POU3F3: variants seen among roughly 807,000 people sequenced by gnomAD.
POU3F3 encodes the protein POU domain, class 3, transcription factor 3.
Under a neutral mutation model 8.6 loss-of-function variants are expected in POU3F3, and 1 was observed. That is an observed-to-expected ratio of 0.12 (90% CI 0.04 to 0.55). The LOEUF (loss-of-function observed/expected upper bound fraction) is 0.55, where lower values mean the gene tolerates loss of function less well. Among genes scored for constraint, POU3F3 ranks in the 20% least tolerant of loss-of-function variants. The pLI is 0.91. For missense variants in POU3F3, 577 were observed against 690.7 expected, an observed-to-expected ratio of 0.84 and a Z score of 1.84; for synonymous variants, 418 against 327.4, an observed-to-expected ratio of 1.28 and a Z score of -2.99.
rs1459821095 is a variant in POU3F3, at chr2:104,854,600, G to A, written c.-911G>A. Among the ~76,000 whole-genome samples, 2 of 152,168 alleles carry A rather than the reference G, an allele frequency of 1.3e-5. No individual in the cohort carries two copies. The highest frequency in any genetic ancestry group is 3.9e-4 in the East Asian group (2 of 5,188). ...TCGCATCAGACTGTGACTGTTGCGA[G>A]GAGAATGAAAAAGGACTCTTGTTTC... On this transcript the variant is annotated 5_prime_UTR_variant, in exon 1 of 1. Coordinates refer to ENST00000361360, the MANE Select transcript of POU3F3 (RefSeq NM_006236.3). The surrounding 1 kb of genome is among the most constrained non-coding windows in gnomAD (Gnocchi z 4.5).
chr2:104,888,196 G>A, the POU3F3 span, among the ~76,000 whole-genome samples: 2 of 152,216 alleles, frequency 1.3e-5, no homozygotes, highest in African/African-American at 4.8e-5. Flanking sequence ...CTGTGTGTGC[G>A]AAATGGACAT....
In POU3F3 at chr2:104,855,945, G is replaced by C; in HGVS notation, c.435G>C (p.Gln145His). The change falls in exon 1 of 1, where the codon CAG (glutamine) becomes CAC (histidine). Residue 145 changes from glutamine (Q) to histidine (H), a missense_variant. Gln to His is a conservative substitution (Grantham distance 24). Coordinates refer to ENST00000361360, the MANE Select transcript of POU3F3 (RefSeq NM_006236.3). ...CGCAGCCGCCGCCGCCACCGCCGCA[G>C]GGCCCCGACGTGAAGGGCGGCGCCG... ...QPPQPPPPPP[Q>H]GPDVKGGAGR... is the part of the protein sequence containing the mutation. The C allele has an allele frequency of 1.9e-6, 2 of 1,052,834 alleles. No individual in the cohort carries two copies. The highest frequency in any genetic ancestry group is 2.3e-6 in the Non-Finnish European group (2 of 873,732). The allele number at this position is 1,052,834 out of a possible 1,614,324, so 65.2% of individuals were successfully genotyped here.
chr2:104,857,060 A>G lies in POU3F3; in HGVS notation c.*47A>G. The G allele has an allele frequency of 2.2e-6, 3 of 1,345,172 alleles. No individual in the cohort carries two copies. Among genetic ancestry groups the G allele is most frequent in the Non-Finnish European group, 2.9e-6 (3 of 1,040,538 alleles). 83.3% of individuals were successfully genotyped at this position (1,345,172 alleles called of 1,614,324 possible). A position where few individuals can be genotyped will look rare whatever the true frequency, so the allele number is the denominator to read the frequency against. On this transcript the variant is annotated 3_prime_UTR_variant, in exon 1 of 1. Coordinates refer to ENST00000361360, the MANE Select transcript of POU3F3 (RefSeq NM_006236.3). The stretch of plus-strand genomic sequence containing the variant: ...GGGCCGCCGCCGCCGCCGCCTCCGC[A>G]GCCGCCGTCAGCACCGCCGCCGCCC...
the POU3F3 span, among the ~76,000 whole-genome samples, chr2:104,911,849 GA>G: frequency 6.6e-6 from 1 of 152,076 alleles, no homozygotes; most frequent in African/African-American, 2.4e-5. Context: ...AGATGCGAGA[GA>G]GGGGGAGAAG....
the POU3F3 span, among the ~76,000 whole-genome samples, chr2:104,927,653 C>A: frequency 6.7e-6 from 1 of 148,900 alleles, no homozygotes; most frequent in African/African-American, 2.5e-5. Context: ...AAAGCTGGGG[C>A]GGGGGATTGT....
chr2:104,860,499 G>A (rs561997726), downstream of POU3F3, among the ~76,000 whole-genome samples: 11 of 152,078 alleles, frequency 7.2e-5, no homozygotes, highest in South Asian at 8.3e-4. Context: ...CTTGTGCTTC[G>A]TAAAGTGCCC....
At chr2:104,895,274 A>G in the POU3F3 span, among the ~76,000 whole-genome samples, 4 of 152,186 alleles carry the variant, frequency 2.6e-5, no homozygotes, top group East Asian at 1.9e-4. Flanking sequence ...TTAAATCTTC[A>G]CTACCAATTG....
At position 104,855,949 on chromosome 2, in the gene POU3F3, C is replaced by A; in HGVS notation, c.439C>A (p.Pro147Thr). ...PQPPPPPPQG[P>T]DVKGGAGRDD... ...GCCGCCGCCGCCACCGCCGCAGGGC[C>A]CCGACGTGAAGGGCGGCGCCGGGCG... The change falls in exon 1 of 1, where the codon CCC becomes ACC. Residue 147 changes from proline (P) to threonine (T), a missense_variant. This residue lies in a region of POU3F3 where 484 missense variants were observed against 422.6 expected (regional missense o/e 1.15). Coordinates refer to ENST00000361360, the MANE Select transcript of POU3F3 (RefSeq NM_006236.3). 1 of 1,059,902 alleles carries A rather than the reference C, an allele frequency of 9.4e-7. No homozygotes were observed. The highest frequency in any genetic ancestry group is 1.1e-6 in the Non-Finnish European group (1 of 876,292). 65.7% of individuals were successfully genotyped at this position (1,059,902 alleles called of 1,614,324 possible).
chr2:104,912,482 T>C, the POU3F3 span, among the ~76,000 whole-genome samples: 1 of 152,140 alleles, frequency 6.6e-6, no homozygotes. Context: ...TACTAACAGA[T>C]GGGTAAGGAT....
chr2:104,896,503 G>T, the POU3F3 span, among the ~76,000 whole-genome samples: 1 of 152,210 alleles, frequency 6.6e-6, no homozygotes, highest in Non-Finnish European at 1.5e-5. Flanking sequence ...TGTAACACCT[G>T]CATTGTTCAC....
At chr2:104,863,890 C>T in the POU3F3 span, among the ~76,000 whole-genome samples, 3 of 152,248 alleles carry the variant, frequency 2.0e-5, no homozygotes, top group Admixed American at 1.3e-4. Flanking sequence ...GAGGTCTAGG[C>T]AGCTGGGACT....
the POU3F3 span, among the ~76,000 whole-genome samples, chr2:104,906,314 T>C: frequency 7.2e-5 from 11 of 152,218 alleles, no homozygotes; most frequent in South Asian, 4.1e-4. Context: ...GCCCTTTTTA[T>C]AATACAGACA....
the POU3F3 span, among the ~76,000 whole-genome samples, chr2:104,874,773 G>A: frequency 6.6e-6 from 1 of 152,174 alleles, no homozygotes; most frequent in Admixed American, 6.5e-5. Flanking sequence ...CGTCACAAAT[G>A]TTATGGAGGT....
chr2:104,855,957 G>A lies in POU3F3; in HGVS notation c.447G>A (p.Val149=), dbSNP rs1164891804. The change falls in exon 1 of 1, where the codon GTG becomes GTA. Residue 149 remains valine, a synonymous_variant. Transcript: ENST00000361360. ...CGCCACCGCCGCAGGGCCCCGACGT[G>A]AAGGGCGGCGCCGGGCGCGACGACC... ...PPPPPPQGPD[V]KGGAGRDDLH... is the part of the protein sequence containing the mutation. 9.5e-7 allele frequency: 1 copy of A among 1,053,808 alleles called. No individual in the cohort carries two copies. Among genetic ancestry groups the A allele is most frequent in the African/African-American group, 1.8e-5 (1 of 56,672 alleles). 65.3% of individuals were successfully genotyped at this position (1,053,808 alleles called of 1,614,324 possible).
At chr2:104,878,504 G>A in the POU3F3 span, among the ~76,000 whole-genome samples, 1 of 152,180 alleles carries the variant, frequency 6.6e-6, no homozygotes, top group Non-Finnish European at 1.5e-5. Flanking sequence ...GAAGCTTGGT[G>A]CTTTTATTCC....
chr2:104,910,889 TA>T, the POU3F3 span, among the ~76,000 whole-genome samples: 3 of 151,606 alleles, frequency 2.0e-5, no homozygotes, highest in African/African-American at 7.3e-5. Context: ...ATAAAAACAA[TA>T]AAAAAATACA....
chr2:104,871,148 A>G, the POU3F3 span, among the ~76,000 whole-genome samples: 1 of 152,174 alleles, frequency 6.6e-6, no homozygotes, highest in Non-Finnish European at 1.5e-5. Flanking sequence ...GAAGACAGAA[A>G]GCACCCCTGC....
chr2:104,899,985 A>G, the POU3F3 span, among the ~76,000 whole-genome samples: 2 of 152,246 alleles, frequency 1.3e-5, no homozygotes, highest in African/African-American at 4.8e-5. Flanking sequence ...GAGCCCACTT[A>G]AATCCTGCCC....
the POU3F3 span, among the ~76,000 whole-genome samples, chr2:104,899,036 T>A: frequency 6.6e-6 from 1 of 152,200 alleles, no homozygotes; most frequent in East Asian, 1.9e-4. Flanking sequence ...ATTCTCCCTA[T>A]ACAGTGAATG....
Sources: gnomAD v4.1 joint callset for allele counts (sites outside exome capture counted in the v4.1 genomes callset) on GRCh38, gnomAD v4.1.1 for gene constraint, gnomAD v4.1.1 regional missense constraint, Gnocchi (gnomAD v3.1) non-coding constraint, MANE v1.5 for transcripts, NCBI Gene and HGNC (gene_info 2026-07-23, HGNC 2026-07-21) for gene names.